Variants in PTPRN2 observed in about 807,000 individuals in gnomAD.
PTPRN2 encodes receptor-type tyrosine-protein phosphatase N2.
In PTPRN2, 74 loss-of-function variants were observed where a neutral mutation model predicts 118.8. That is an observed-to-expected ratio of 0.62 (90% confidence interval 0.52 to 0.76). The LOEUF is 0.76. PTPRN2 is among the 30% of genes least tolerant of loss of function. PTPRN2 has a pLI of 0.00. For missense variants in PTPRN2, 1,481 were observed against 1,394.4 expected, an observed-to-expected ratio of 1.06 and a Z score of -0.99; for synonymous variants, 641 against 608.0, an observed-to-expected ratio of 1.05 and a Z score of -0.80.
At chr7:158,145,803 T>C (rs1344303400) in intron 6 of PTPRN2, among the ~76,000 whole-genome samples, 1 of 152,186 alleles carries the variant, frequency 6.6e-6, no homozygotes, top group Non-Finnish European at 1.5e-5. Flanking sequence ...CGATCATCCA[T>C]CCTTGTGCTG....
intron 11 of PTPRN2, among the ~76,000 whole-genome samples, chr7:157,961,483 A>C (rs1363801305): frequency 6.6e-6 from 1 of 151,838 alleles, no homozygotes. Flanking sequence ...CAGTGAGTTG[A>C]GATTGTGCCA....
Position 157,929,008 on chromosome 7 carries a change from C to T in PTPRN2, c.1724-30271G>A, listed in dbSNP as rs1324015332. ...TCCAGAACGTCAGGGCAGGAGGGGACATGGAGATGGTTTAACCTCACATGC... is the reference window on the plus strand; with the variant it reads ...TCCAGAACGTCAGGGCAGGAGGGGATATGGAGATGGTTTAACCTCACATGC... On this transcript the variant is annotated intron_variant, in intron 11 of 22. Transcript: ENST00000389418. The surrounding 1 kb of genome is among the most constrained non-coding windows in gnomAD (Gnocchi z 4.4). Among the ~76,000 whole-genome samples the T allele has an allele frequency of 1.3e-5, 2 of 152,080 alleles. No homozygotes were observed. The highest frequency in any genetic ancestry group is 1.9e-4 in the East Asian group (1 of 5,186).
intron 13 of PTPRN2, among the ~76,000 whole-genome samples, chr7:157,666,305 G>A (rs6979750): frequency 0.082 from 12,485 of 152,120 alleles, 710 homozygotes; most frequent in East Asian, 0.22. Context: ...CTTTTTAGCT[G>A]TCTGGCCCCT....
chr7:158,413,838 C>A (rs554362012), intron 2 of PTPRN2, among the ~76,000 whole-genome samples: 1 of 152,276 alleles, frequency 6.6e-6, no homozygotes, highest in East Asian at 1.9e-4. Context: ...ACCTGGGCCA[C>A]CCTTAAACAT....
At chr7:157,895,149 C>A (rs115870484) in intron 12 of PTPRN2, among the ~76,000 whole-genome samples, 120 of 152,012 alleles carry the variant, frequency 7.9e-4, no homozygotes, top group African/African-American at 2.8e-3. Flanking sequence ...ATAAAATAAG[C>A]CAGAGGGTCT....
At chr7:157,572,099 A>G (rs1274265965) in intron 19 of PTPRN2, among the ~76,000 whole-genome samples, 1 of 152,236 alleles carries the variant, frequency 6.6e-6, no homozygotes, top group Non-Finnish European at 1.5e-5. Context: ...TTAGATCAGA[A>G]GTTGTAAAAA....
chr7:158,392,941 T>C (rs936841016), intron 2 of PTPRN2, among the ~76,000 whole-genome samples: 3 of 152,180 alleles, frequency 2.0e-5, no homozygotes, highest in Non-Finnish European at 4.4e-5. Context: ...CGAGCACGCC[T>C]GTCAACCTCA....
chr7:158,426,446 C>T (rs868173784), intron 2 of PTPRN2, among the ~76,000 whole-genome samples: 1 of 2,380 alleles, frequency 4.2e-4, no homozygotes, highest in Non-Finnish European at 6.4e-4. Flanking sequence ...GCCTGCGCAC[C>T]GCCGGGAAAG....
intron 2 of PTPRN2, among the ~76,000 whole-genome samples, chr7:158,407,712 G>A (rs575459938): frequency 6.6e-6 from 1 of 151,854 alleles, no homozygotes; most frequent in African/African-American, 2.4e-5. Context: ...TGCATCCTGC[G>A]TCCTGGGTCC....
intron 2 of PTPRN2, among the ~76,000 whole-genome samples, chr7:158,412,945 A>T (rs1478310974): frequency 2.8e-5 from 3 of 108,452 alleles, no homozygotes; most frequent in South Asian, 3.3e-4. Flanking sequence ...CCTCCTCAGC[A>T]CCAGGGCCCA....
chr7:158,005,144 G>A (rs183977690), intron 11 of PTPRN2, among the ~76,000 whole-genome samples: 18 of 149,576 alleles, frequency 1.2e-4, no homozygotes, highest in African/African-American at 4.4e-4. Context: ...GTGTGATCTC[G>A]GCTCACCACA....
At position 158,374,523 on chromosome 7, in the gene PTPRN2, TAG is replaced by T. The variant is rs530214288; in HGVS notation, c.164-57593_164-57592del. On this transcript the variant is annotated intron_variant, in intron 2 of 22. Transcript: ENST00000389418. ...GTAAAAAGGATTGTACAAGAATGTT[TAG>T]AGAGACTTTATTCATAGGCGCCAAA... Among the ~76,000 whole-genome samples, 105 of 152,114 alleles carry T rather than the reference TAG, an allele frequency of 6.9e-4. 1 individual carries two copies. The highest frequency in any genetic ancestry group is 5.0e-3 in the South Asian group (24 of 4,800).
At chr7:157,975,417 C>CTCAGG (rs1802666326) in intron 11 of PTPRN2, among the ~76,000 whole-genome samples, 1 of 152,228 alleles carries the variant, frequency 6.6e-6, no homozygotes. Context: ...GTGATGTCGG[C>CTCAGG]TCAGGTCACC....
At chr7:157,730,193 C>A (rs905094336) in intron 12 of PTPRN2, among the ~76,000 whole-genome samples, 3 of 152,182 alleles carry the variant, frequency 2.0e-5, no homozygotes, top group African/African-American at 7.2e-5. Context: ...CCCCTGCCCC[C>A]CCCCGGGCAC....
intron 2 of PTPRN2, among the ~76,000 whole-genome samples, chr7:158,376,410 T>G (rs1476936056): frequency 3.9e-5 from 4 of 103,016 alleles, no homozygotes; most frequent in African/African-American, 1.5e-4. Context: ...GACTCCCCCA[T>G]GGCCCTGTCA....
intron 17 of PTPRN2, among the ~76,000 whole-genome samples, chr7:157,580,057 C>T (rs1800265657): frequency 6.6e-6 from 1 of 152,186 alleles, no homozygotes; most frequent in South Asian, 2.1e-4. Context: ...AAATCCCAGT[C>T]GAGTAAGGTT....
chr7:157,585,759 G>A lies in PTPRN2; in HGVS notation c.2497-7619C>T, dbSNP rs1269880022. On this transcript the variant is annotated intron_variant, in intron 17 of 22. Transcript: ENST00000389418. This position sits in a 1 kb window ranked among gnomAD's most constrained non-coding sequence, Gnocchi z 5.2. ...AAGAGGAAGAGGAAGAGGGGAGGAG[G>A]AGTGGGGATGGGAGGAGCTGGCCGG... 6.6e-6 allele frequency among the ~76,000 whole-genome samples: 1 copy of A among 152,202 alleles called. No individual in the cohort carries two copies.
chr7:158,485,398 CCT>C (rs5888758), intron 2 of PTPRN2, among the ~76,000 whole-genome samples: 11 of 88,344 alleles, frequency 1.2e-4, no homozygotes, highest in East Asian at 1.3e-3. Flanking sequence ...CTCGGCCACC[CCT>C]CTCTGCGCCC....
At chr7:157,819,696 G>A (rs56803267) in intron 12 of PTPRN2, among the ~76,000 whole-genome samples, 7,147 of 152,174 alleles carry the variant, frequency 0.047, 543 homozygotes, top group African/African-American at 0.16. Flanking sequence ...GGATGGGAGG[G>A]GGCTCCCTGT....
Sources: gnomAD v4.1 joint callset for allele counts (sites outside exome capture counted in the v4.1 genomes callset) on GRCh38, gnomAD v4.1.1 for gene constraint, Gnocchi (gnomAD v3.1) non-coding constraint, MANE v1.5 for transcripts, NCBI Gene and HGNC (gene_info 2026-07-23, HGNC 2026-07-21) for gene names.